DNAH14: variants seen among roughly 807,000 people sequenced by gnomAD.
DNAH14 encodes the protein axonemal beta dynein heavy chain 14.
Under a neutral mutation model 520.9 loss-of-function variants are expected in DNAH14, and 478 were observed. The observed-to-expected ratio is 0.92, with a 90% CI of 0.85 to 0.99. The LOEUF is 0.99. Among genes scored for constraint, DNAH14 ranks in the 50% least tolerant of loss-of-function variants. The pLI is 0.00. For missense variants in DNAH14, 4,831 were observed against 5,234.5 expected (o/e 0.92, Z 2.38); for synonymous variants, 1,581 against 1,757.2 (o/e 0.90, Z 2.51).
chr1:225,186,838 T>C (rs1366427023), intron 37 of DNAH14, among the ~76,000 whole-genome samples: 1 of 151,822 alleles, frequency 6.6e-6, no homozygotes, highest in African/African-American at 2.4e-5. Context: ...CTCACATGTT[T>C]AATAGTTTTA....
At chr1:225,007,999 T>A (rs2064326920) in intron 10 of DNAH14, among the ~76,000 whole-genome samples, 2 of 151,662 alleles carry the variant, frequency 1.3e-5, no homozygotes, top group Non-Finnish European at 2.9e-5. Context: ...TGGGTATACA[T>A]GTGCTATGGT....
Position 224,968,820 on chromosome 1 carries a change from CAGAA to C in DNAH14, c.718_721del (p.Arg240AspfsTer17). 1 of 1,543,390 alleles carries C rather than the reference CAGAA, an allele frequency of 6.5e-7. No homozygotes were observed. The highest frequency in any genetic ancestry group is 8.7e-7 in the Non-Finnish European group (1 of 1,144,010). On this transcript the variant is annotated frameshift_variant, in exon 7 of 86. Coordinates refer to ENST00000682510, the MANE Select transcript of DNAH14 (RefSeq NM_001367479.1). LOFTEE classifies it high-confidence loss of function. ...CTCATACCTACTTTGGAATGGCTAT[CAGAA>C]AGAAGACATTACTATTTATTACGGC...
chr1:224,946,065 T>C (rs1324706104), intron 1 of DNAH14, among the ~76,000 whole-genome samples: 1 of 152,198 alleles, frequency 6.6e-6, no homozygotes, highest in Non-Finnish European at 1.5e-5. Flanking sequence ...GCCTTTTGTT[T>C]GGCTATGCCC....
intron 54 of DNAH14, among the ~76,000 whole-genome samples, chr1:225,278,691 A>G (rs537108717): frequency 6.6e-6 from 1 of 152,274 alleles, no homozygotes; most frequent in Non-Finnish European, 1.5e-5. Flanking sequence ...TTATTTTTCT[A>G]TTCCTAAAGT....
chr1:225,355,680 A>G (rs1326441169), intron 73 of DNAH14, among the ~76,000 whole-genome samples: 1 of 152,210 alleles, frequency 6.6e-6, no homozygotes, highest in Non-Finnish European at 1.5e-5. Flanking sequence ...AAATATATGT[A>G]TACATATCTT....
At chr1:224,960,113 C>T in intron 3 of DNAH14, 40 bp from the exon 4 acceptor site, 1 of 1,512,478 alleles carries the variant, frequency 6.6e-7, no homozygotes, top group East Asian at 2.3e-5. Context: ...TTATTTACAG[C>T]TCACACTAGT....
At chr1:225,361,614 T>C (rs1172506697) in intron 75 of DNAH14, among the ~76,000 whole-genome samples, 1 of 152,246 alleles carries the variant, frequency 6.6e-6, no homozygotes, top group Non-Finnish European at 1.5e-5. Context: ...TTTTATGCTT[T>C]GAGCATGCAC....
intron 10 of DNAH14, among the ~76,000 whole-genome samples, chr1:225,014,854 G>A (rs1415600119): frequency 6.6e-6 from 1 of 152,070 alleles, no homozygotes; most frequent in African/African-American, 2.4e-5. Flanking sequence ...TCTTTGTTGG[G>A]CTTCTGTCTA....
chr1:225,397,220 G>C (rs972018878), intron 84 of DNAH14: 100 of 152,140 alleles, frequency 6.6e-4, no homozygotes, highest in African/African-American at 2.1e-3. Context: ...CTCGTGATCC[G>C]CCCGCCTCAG....
intron 59 of DNAH14, 121 bp downstream of exon 59, chr1:225,307,690 T>C: frequency 3.0e-6 from 2 of 677,872 alleles, no homozygotes; most frequent in Non-Finnish European, 4.6e-6. Flanking sequence ...TACCCTATAG[T>C]TGTGTACACA....
At chr1:224,945,362 C>T (rs572429254) in intron 1 of DNAH14, among the ~76,000 whole-genome samples, 1 of 152,242 alleles carries the variant, frequency 6.6e-6, no homozygotes, top group African/African-American at 2.4e-5. Flanking sequence ...TTAAGGACTT[C>T]TCTGCATTGG....
At chr1:225,135,977 C>T (rs1338874140) in intron 27 of DNAH14, among the ~76,000 whole-genome samples, 2 of 152,042 alleles carry the variant, frequency 1.3e-5, no homozygotes, top group South Asian at 2.1e-4. Flanking sequence ...GGTTGCTACT[C>T]CTGCTTTTTT....
At chr1:225,132,407 C>G (rs933535919) in intron 27 of DNAH14, among the ~76,000 whole-genome samples, 4 of 151,930 alleles carry the variant, frequency 2.6e-5, no homozygotes, top group African/African-American at 4.8e-5. Context: ...CTGCCACCCC[C>G]CACCCCATGT....
At chr1:225,035,856 T>C (rs979118881) in intron 11 of DNAH14, among the ~76,000 whole-genome samples, 1 of 152,186 alleles carries the variant, frequency 6.6e-6, no homozygotes, top group Non-Finnish European at 1.5e-5. Flanking sequence ...ATTTGGTTTT[T>C]TCTGCATATT....
At chr1:225,206,903 G>T in intron 40 of DNAH14, 65 bp from the exon 41 acceptor site, 1 of 1,321,996 alleles carries the variant, frequency 7.6e-7, no homozygotes. Flanking sequence ...AAGAGAGTAA[G>T]ATAGTAGAAG....
chr1:225,222,130 G>C (rs943538489), intron 41 of DNAH14, among the ~76,000 whole-genome samples: 15 of 152,194 alleles, frequency 9.9e-5, no homozygotes, highest in Non-Finnish European at 1.3e-4. Context: ...AGACTTGGCA[G>C]GTGGTGCCTC....
intron 17 of DNAH14, among the ~76,000 whole-genome samples, chr1:225,053,647 G>C (rs1031382369): frequency 4.6e-5 from 7 of 152,110 alleles, no homozygotes; most frequent in African/African-American, 1.7e-4. Flanking sequence ...ATACATCTAG[G>C]ACATGAATCA....
intron 12 of DNAH14, 25 bp downstream of exon 12, chr1:225,038,848 A>T: frequency 6.9e-7 from 1 of 1,444,446 alleles, no homozygotes; most frequent in Non-Finnish European, 9.2e-7. Context: ...GAAAAATATA[A>T]ACATAGATTT....
At chr1:225,189,414 CT>C (rs80207047) in intron 37 of DNAH14, among the ~76,000 whole-genome samples, 143 of 110,590 alleles carry the variant, frequency 1.3e-3, no homozygotes, top group East Asian at 4.7e-3. Context: ...TCTTTCTTTT[CT>C]TTTTTTTTTT....
Sources: allele counts gnomAD v4.1 joint callset (sites outside exome capture counted in the v4.1 genomes callset), GRCh38; gene constraint gnomAD v4.1.1; transcripts MANE v1.5; gene names NCBI Gene and HGNC (gene_info 2026-07-23, HGNC 2026-07-21).